Variants in ST8SIA5 observed in about 807,000 individuals in gnomAD.
ST8SIA5 encodes the protein alpha-2,8-sialyltransferase 8E.
ST8SIA5 carries 24 observed loss-of-function variants against 40.2 expected under a neutral mutation model. That is an observed-to-expected ratio of 0.60 (90% CI 0.43 to 0.84). The LOEUF (loss-of-function observed/expected upper bound fraction) is 0.84. ST8SIA5 is among the 40% of genes least tolerant of loss of function. The pLI is 0.00. For missense variants in ST8SIA5, 465 were observed against 498.5 expected (o/e 0.93, Z 0.64); for synonymous variants, 198 against 201.8 (o/e 0.98, Z 0.16).
intron 1 of ST8SIA5, among the ~76,000 whole-genome samples, chr18:46,726,129 G>A (rs2039927362): frequency 1.4e-5 from 2 of 147,540 alleles, no homozygotes; most frequent in African/African-American, 2.5e-5. Context: ...GGGAGGCAGA[G>A]GCTGCAGTGA....
intron 1 of ST8SIA5, among the ~76,000 whole-genome samples, chr18:46,737,030 A>G (rs1176372821): frequency 6.6e-6 from 1 of 152,192 alleles, no homozygotes; most frequent in East Asian, 1.9e-4. Flanking sequence ...GAAGAGAGGA[A>G]GCCACCTTGC....
chr18:46,684,441 TATTA>T (rs1316983632), intron 5 of ST8SIA5, among the ~76,000 whole-genome samples: 1 of 152,212 alleles, frequency 6.6e-6, no homozygotes, highest in African/African-American at 2.4e-5. Context: ...ATTTTAAACA[TATTA>T]ATTCATTTAT....
In ST8SIA5 at chr18:46,676,339, G is replaced by C. The variant is rs1398999311; in HGVS notation, c.*3703C>G. On this transcript the variant is annotated 3_prime_UTR_variant, in exon 7 of 7. Coordinates refer to ENST00000315087, the MANE Select transcript of ST8SIA5 (RefSeq NM_013305.6). ...ACACACCAGACCACAAACTCCCGGA[G>C]GGCAGGGACGACGTTTTGTTCATCA... 2 of 152,240 alleles carry C rather than the reference G, an allele frequency of 1.3e-5. No homozygotes were observed. Among genetic ancestry groups the C allele is most frequent in the African/African-American group, 2.4e-5 (1 of 41,452 alleles). 9.4% of individuals were successfully genotyped at this position (152,240 alleles called of 1,614,324 possible). A position where few individuals can be genotyped will look rare whatever the true frequency, so the allele number is the denominator to read the frequency against.
chr18:46,725,982 T>A (rs1325383591), intron 1 of ST8SIA5, among the ~76,000 whole-genome samples: 2,330 of 46,368 alleles, frequency 0.05, 215 homozygotes, highest in Non-Finnish European at 0.077. Context: ...AATATATATA[T>A]ATATATATAT....
At chr18:46,744,437 T>G (rs2040118417) in intron 1 of ST8SIA5, among the ~76,000 whole-genome samples, 1 of 149,628 alleles carries the variant, frequency 6.7e-6, no homozygotes, top group South Asian at 2.1e-4. Context: ...AAAACAGACT[T>G]TAAGCCAACA....
chr18:46,688,699 A>T, intron 4 of ST8SIA5, 76 bp downstream of exon 4: 1 of 1,537,096 alleles, frequency 6.5e-7, no homozygotes, highest in Non-Finnish European at 8.8e-7. Flanking sequence ...GCAAAACCCC[A>T]GGGACATTGC....
chr18:46,728,177 G>A (rs189426238), intron 1 of ST8SIA5, among the ~76,000 whole-genome samples: 1 of 149,214 alleles, frequency 6.7e-6, no homozygotes, highest in African/African-American at 2.5e-5. Context: ...CCTGGTGATA[G>A]AGCGAGACTC....
At position 46,681,972 on chromosome 18, in the gene ST8SIA5, C is replaced by T; in HGVS notation, c.662G>A (p.Arg221Lys). 1.9e-6 allele frequency: 3 copies of T among 1,613,916 alleles called. No individual in the cohort carries two copies. The highest frequency in any genetic ancestry group is 2.5e-6 in the Non-Finnish European group (3 of 1,179,934). ...CAGCTCTAGAAAGAGGGCCACTGAC[C>T]TCTCTGTGATGATGCTGGGGTTCAC... ...VTVNPSIITE[R>K]FHKLEKWRRP... Residue 221 changes from arginine to lysine, a missense_variant and splice_region_variant, in exon 6 of 7, where the codon AGG becomes AAG. By Grantham distance (26) the Arg-to-Lys change is conservative. Coordinates refer to ENST00000315087, the MANE Select transcript of ST8SIA5 (RefSeq NM_013305.6).
rs115140167 is a variant in ST8SIA5 at position 46,756,536 on chromosome 18, G to T, written c.-28C>A. ...TGGCTACCGGGCGCCGCGGGCGCGG[G>T]GTACGGGGCGGCCAGGCAATGACTC... On this transcript the variant is annotated 5_prime_UTR_variant, in exon 1 of 7. Transcript: ENST00000315087. 11,047 of 1,609,780 alleles carry T rather than the reference G, an allele frequency of 6.9e-3. 654 individuals are homozygous for T. In the African/African-American group the frequency reaches 0.13, roughly 19 times the overall value.
At position 46,698,022 on chromosome 18, in the gene ST8SIA5, A is replaced by T. The variant is rs151152839; in HGVS notation, c.225-5767T>A. Among the ~76,000 whole-genome samples the T allele has an allele frequency of 1.9e-4, 29 of 152,340 alleles. 1 individual carries two copies. In the East Asian group the frequency reaches 5.4e-3, roughly 28 times the overall value. On this transcript the variant is annotated intron_variant, in intron 2 of 6. Coordinates refer to ENST00000315087, the MANE Select transcript of ST8SIA5 (RefSeq NM_013305.6). ...GAAAATGATTTTCACCTAAAATACC[A>T]ACCCACCAGACTAGCAATCAAACCA...
At chr18:46,749,429 C>T (rs555667644) in intron 1 of ST8SIA5, among the ~76,000 whole-genome samples, 3 of 152,118 alleles carry the variant, frequency 2.0e-5, no homozygotes, top group African/African-American at 2.4e-5. Flanking sequence ...ATGTTCACTC[C>T]GACACTTTTA....
chr18:46,705,611 C>T (rs2039662376), intron 1 of ST8SIA5, among the ~76,000 whole-genome samples: 1 of 152,212 alleles, frequency 6.6e-6, no homozygotes, highest in Non-Finnish European at 1.5e-5. Flanking sequence ...CGGCTGGTGT[C>T]CCCTGGAAAG....
At chr18:46,710,223 A>T (rs2039709152) in intron 1 of ST8SIA5, among the ~76,000 whole-genome samples, 1 of 152,116 alleles carries the variant, frequency 6.6e-6, no homozygotes, top group South Asian at 2.1e-4. Context: ...CCACTAAGTG[A>T]GAAGACAAAT....
intron 1 of ST8SIA5, chr18:46,730,473 G>A (rs917747896): frequency 6.4e-6 from 1 of 155,428 alleles, no homozygotes; most frequent in Non-Finnish European, 1.4e-5. Flanking sequence ...ATAATGGAGT[G>A]GTTGATGGAC....
chr18:46,700,914 G>C (rs962975501), intron 2 of ST8SIA5, among the ~76,000 whole-genome samples: 1 of 152,158 alleles, frequency 6.6e-6, no homozygotes, highest in African/African-American at 2.4e-5. Flanking sequence ...CCATGGGCTA[G>C]TACAGTCAGA....
intron 1 of ST8SIA5, among the ~76,000 whole-genome samples, chr18:46,750,536 C>A (rs939877858): frequency 3.3e-5 from 5 of 152,158 alleles, no homozygotes; most frequent in African/African-American, 9.7e-5. Context: ...TCACTCCCTG[C>A]CCACTGAAAT....
intron 3 of ST8SIA5, chr18:46,691,953 G>A (rs1251801273): frequency 2.3e-5 from 13 of 576,726 alleles, no homozygotes; most frequent in Non-Finnish European, 3.1e-5. Context: ...AGGACTAAGG[G>A]AGAGAAGGTG....
intron 1 of ST8SIA5, among the ~76,000 whole-genome samples, chr18:46,728,274 T>C (rs2039951577): frequency 6.6e-6 from 1 of 152,028 alleles, no homozygotes; most frequent in Non-Finnish European, 1.5e-5. Context: ...CCCATTTTGA[T>C]TGAAGTGCCA....
At chr18:46,732,513 G>C (rs892042270) in intron 1 of ST8SIA5, among the ~76,000 whole-genome samples, 14 of 152,076 alleles carry the variant, frequency 9.2e-5, no homozygotes, top group Non-Finnish European at 1.9e-4. Flanking sequence ...CCTCACACTG[G>C]CCCAGGTGAG....
Sources: allele counts gnomAD v4.1 joint callset (sites outside exome capture counted in the v4.1 genomes callset), GRCh38; gene constraint gnomAD v4.1.1; transcripts MANE v1.5; gene names NCBI Gene and HGNC (gene_info 2026-07-23, HGNC 2026-07-21).